Variants in KDM6A observed in about 807,000 individuals in gnomAD.
The protein encoded by KDM6A is lysine demethylase 6A, also known as lysine-specific demethylase 6A.
KDM6A carries 11 observed loss-of-function variants against 117.6 expected under a neutral mutation model. The observed-to-expected ratio is 0.09, with a 90% CI of 0.06 to 0.15. KDM6A has a LOEUF of 0.15. Among genes scored for constraint, KDM6A ranks in the 10% least tolerant of loss-of-function variants. KDM6A has a pLI of 1.00. For synonymous variants in KDM6A, 384 were observed against 396.1 expected, an observed-to-expected ratio of 0.97 and a Z score of 0.36; for missense variants, 799 against 1,077.3, an observed-to-expected ratio of 0.74 and a Z score of 3.62.
chrX:44,968,970 C>CAA lies in KDM6A; in HGVS notation c.335-5678_335-5677dup, dbSNP rs57829328. Among the ~76,000 whole-genome samples the CAA allele has an allele frequency of 5.9e-4, 30 of 50,826 alleles. No homozygotes were observed. In the East Asian group the frequency reaches 0.011, roughly 18 times the overall value. 44.1% of individuals were successfully genotyped at this position (50,826 alleles called of 115,157 possible). On this transcript the variant is annotated intron_variant, in intron 3 of 29. Transcript: ENST00000611820. The stretch of plus-strand genomic sequence containing the variant: ...GGACAGTAAGAATGAAACTCCATCT[C>CAA]AAAAAAAAAAAAAAAAAAATTAGGT...
intron 4 of KDM6A, among the ~76,000 whole-genome samples, chrX:44,985,661 A>G (rs2040178575): frequency 2.7e-5 from 3 of 111,730 alleles, no homozygotes; most frequent in Middle Eastern, 9.3e-3. Context: ...GCATCTATTG[A>G]GATAATCATA....
intron 4 of KDM6A, among the ~76,000 whole-genome samples, chrX:44,984,085 T>G (rs1161779773): frequency 3.6e-5 from 4 of 110,633 alleles, no homozygotes; most frequent in Admixed American, 9.6e-5. Flanking sequence ...GTTTCCTGAC[T>G]TTTTAATGAT....
At chrX:44,914,391 A>C (rs1281297651) in intron 2 of KDM6A, among the ~76,000 whole-genome samples, 2 of 107,995 alleles carry the variant, frequency 1.9e-5, no homozygotes, top group African/African-American at 7.2e-5. Flanking sequence ...AACAATTCTG[A>C]TAATCTACTT....
At chrX:44,914,944 A>G (rs191881576) in intron 2 of KDM6A, among the ~76,000 whole-genome samples, 1 of 111,471 alleles carries the variant, frequency 9.0e-6, no homozygotes, top group African/African-American at 3.3e-5. Context: ...TTTTTGACCC[A>G]TAGTGGTAAA....
rs372461376 is a variant in KDM6A, at chrX:44,981,796, T to G, written c.384+7081T>G. ...TATCTCGTTAGCATAAAAGAGACAC[T>G]CAGGGCTGGGCGCAGTAGCTCACCC... is the stretch of plus-strand genomic sequence containing the variant. On this transcript the variant is annotated intron_variant, in intron 4 of 29. Transcript: ENST00000611820. Among the ~76,000 whole-genome samples, 15 of 111,629 alleles carry G rather than the reference T, an allele frequency of 1.3e-4. No homozygotes were observed. In the East Asian group the frequency reaches 2.8e-3, roughly 21 times the overall value.
Position 44,873,406 on chromosome X carries a change from G to A in KDM6A, c.-146G>A. 2.2e-6 allele frequency: 2 copies of A among 889,024 alleles called. No homozygotes were observed. The highest frequency in any genetic ancestry group is 3.1e-6 in the Non-Finnish European group (2 of 639,653). The allele number at this position is 889,024 out of a possible 1,213,427, so 73.3% of individuals were successfully genotyped here. ...CGCCGCCTTCACCGCCGCCGCGTTG[G>A]GATTTTTCGTCGCCGCCGCCCGCGG... is the stretch of plus-strand genomic sequence containing the variant. On this transcript the variant is annotated 5_prime_UTR_variant, in exon 1 of 30. Coordinates refer to ENST00000611820, the MANE Select transcript of KDM6A (RefSeq NM_001291415.2).
chrX:44,998,335 G>A (rs182234463), intron 4 of KDM6A, among the ~76,000 whole-genome samples: 1 of 111,685 alleles, frequency 9.0e-6, no homozygotes, highest in Admixed American at 9.5e-5. Context: ...GAAGAGGTGA[G>A]AGAGGAAAAG....
intron 8 of KDM6A, among the ~76,000 whole-genome samples, chrX:45,048,159 CAAAA>C (rs571121737): frequency 2.9e-5 from 1 of 34,332 alleles, no homozygotes. Context: ...AAGTGCGTCT[CAAAA>C]AAAAAAAAAA....
chrX:45,027,875 C>A (rs1168072570), intron 6 of KDM6A, among the ~76,000 whole-genome samples: 1 of 109,261 alleles, frequency 9.2e-6, no homozygotes, highest in Non-Finnish European at 1.9e-5. Context: ...CTCACTGCAA[C>A]CTCTGCCTGC....
intron 6 of KDM6A, among the ~76,000 whole-genome samples, chrX:45,026,724 C>T (rs1003118102): frequency 1.9e-5 from 2 of 105,274 alleles, no homozygotes; most frequent in Non-Finnish European, 1.9e-5. Context: ...CCAGCTACTC[C>T]GGAGGCTGAG....
At chrX:45,006,741 T>C (rs1025267618) in intron 4 of KDM6A, among the ~76,000 whole-genome samples, 1 of 111,144 alleles carries the variant, frequency 9.0e-6, no homozygotes, top group African/African-American at 3.3e-5. Context: ...GGATTGAACA[T>C]ACTGACATAT....
chrX:44,967,486 G>A (rs1221175124), intron 3 of KDM6A, among the ~76,000 whole-genome samples: 1 of 111,510 alleles, frequency 9.0e-6, no homozygotes, highest in Non-Finnish European at 1.9e-5. Context: ...GTACATAGGC[G>A]ACTTACTGGC....
chrX:44,922,360 G>A (rs2036011469), intron 2 of KDM6A, among the ~76,000 whole-genome samples: 1 of 109,638 alleles, frequency 9.1e-6, no homozygotes, highest in Non-Finnish European at 1.9e-5. Flanking sequence ...CTCTAATAGT[G>A]GATGAAGTTG....
In KDM6A at chrX:45,083,509, G is replaced by A. The variant is rs2148151789; in HGVS notation, c.3490G>A (p.Val1164Ile). 8.3e-7 allele frequency: 1 copy of A among 1,208,274 alleles called. No homozygotes were observed. Among genetic ancestry groups the A allele is most frequent in the South Asian group, 1.8e-5 (1 of 56,882 alleles). The change falls in exon 24 of 30, where the codon GTC becomes ATC. Residue 1164 changes from valine (V) to isoleucine (I), a missense_variant. Transcript: ENST00000611820. The part of the protein sequence containing the change: ...ELTKLPAFVR[V>I]VSAGNLLSHV... Reference sequence around the variant, plus strand: ...GACTAAACTTCCTGCTTTTGTGCGTGTCGTATCAGCAGGAAATCTTCTAAG... The same window carrying A: ...GACTAAACTTCCTGCTTTTGTGCGTATCGTATCAGCAGGAAATCTTCTAAG...
chrX:45,046,801 A>G (rs1476479244), intron 8 of KDM6A, among the ~76,000 whole-genome samples: 1 of 111,911 alleles, frequency 8.9e-6, no homozygotes, highest in Non-Finnish European at 1.9e-5. Flanking sequence ...GTGAATAGAC[A>G]AATTAGTGAA....
intron 2 of KDM6A, among the ~76,000 whole-genome samples, chrX:44,952,890 CCT>C (rs1198509084): frequency 1.8e-5 from 2 of 109,714 alleles, no homozygotes; most frequent in African/African-American, 6.7e-5. Context: ...GATCCTACCA[CCT>C]CTCAGCCTCC....
At chrX:44,931,528 C>T (rs1459798454) in intron 2 of KDM6A, among the ~76,000 whole-genome samples, 1 of 111,220 alleles carries the variant, frequency 9.0e-6, no homozygotes, top group African/African-American at 3.3e-5. Flanking sequence ...ATTATGCAGC[C>T]CTTATAAGGA....
Position 44,950,376 on chromosome X carries a change from A to G in KDM6A, c.226-10908A>G, listed in dbSNP as rs771941438. ...TCATTCTGAAGTGAAATTATCTCTCATACTGTCCTTGGCCCCAAAATACAG... is the reference window on the plus strand; with the variant it reads ...TCATTCTGAAGTGAAATTATCTCTCGTACTGTCCTTGGCCCCAAAATACAG... On this transcript the variant is annotated intron_variant, in intron 2 of 29. Transcript: ENST00000611820. Among the ~76,000 whole-genome samples, 101 of 111,908 alleles carry G rather than the reference A, an allele frequency of 9.0e-4. 1 individual carries two copies. The highest frequency in any genetic ancestry group is 7.0e-4 in the Non-Finnish European group (37 of 53,189).
chrX:44,992,485 A>T (rs2040663409), intron 4 of KDM6A, among the ~76,000 whole-genome samples: 1 of 109,015 alleles, frequency 9.2e-6, no homozygotes, highest in Non-Finnish European at 1.9e-5. Flanking sequence ...TGGCCCCCAA[A>T]GTGCTGAGGT....
Sources: gnomAD v4.1 joint callset for allele counts (sites outside exome capture counted in the v4.1 genomes callset) on GRCh38, gnomAD v4.1.1 for gene constraint, MANE v1.5 for transcripts, NCBI Gene and HGNC (gene_info 2026-07-23, HGNC 2026-07-21) for gene names.